Variants in MYO9A observed in about 807,000 individuals in gnomAD.
MYO9A encodes myosin IXA, also known as unconventional myosin-IXa.
A neutral mutation model predicts 293.3 loss-of-function variants in MYO9A; 103 were observed. The ratio of observed to expected loss-of-function variants is 0.35; its 90% confidence interval spans 0.30 to 0.41. The LOEUF (loss-of-function observed/expected upper bound fraction) is 0.41, where lower values mean the gene tolerates loss of function less well. Among genes scored for constraint, MYO9A ranks in the 10% least tolerant of loss-of-function variants. MYO9A has a pLI of 1.00. For synonymous variants in MYO9A, 1,001 were observed against 1,035.7 expected, an observed-to-expected ratio of 0.97 and a Z score of 0.64; for missense variants, 2,685 against 3,033.0, an observed-to-expected ratio of 0.89 and a Z score of 2.69.
chr15:72,012,985 T>C (rs2077218711), intron 6 of MYO9A, among the ~76,000 whole-genome samples: 2 of 152,232 alleles, frequency 1.3e-5, no homozygotes, highest in Non-Finnish European at 2.9e-5. Context: ...TGTATTAATT[T>C]CCTTCTCTGT....
chr15:72,022,715 T>C (rs2077539859), intron 4 of MYO9A, among the ~76,000 whole-genome samples: 1 of 151,906 alleles, frequency 6.6e-6, no homozygotes, highest in South Asian at 2.1e-4. Context: ...ATCTGGCTAA[T>C]TTTTGTATTT....
chr15:71,841,839 G>C (rs1016108707), intron 39 of MYO9A, among the ~76,000 whole-genome samples: 2 of 147,534 alleles, frequency 1.4e-5, no homozygotes, highest in African/African-American at 5.2e-5. Context: ...TAGAGACGGG[G>C]TTTCACCATG....
chr15:71,933,527 A>C (rs750804998), intron 18 of MYO9A, 143 bp downstream of exon 18: 11 of 747,060 alleles, frequency 1.5e-5, no homozygotes, highest in African/African-American at 1.1e-4. Context: ...TTATTTCTAA[A>C]ATGGATTCAA....
chr15:71,936,969 G>C (rs1389085226), intron 16 of MYO9A, among the ~76,000 whole-genome samples: 1 of 149,164 alleles, frequency 6.7e-6, no homozygotes, highest in Non-Finnish European at 1.5e-5. Context: ...AGGAGAGAGA[G>C]AGGAGAGAGT....
At chr15:71,904,591 T>G (rs532472310) in intron 20 of MYO9A, among the ~76,000 whole-genome samples, 1 of 152,282 alleles carries the variant, frequency 6.6e-6, no homozygotes, top group East Asian at 1.9e-4. Flanking sequence ...AGGCGGAGAT[T>G]ACAGTGAGCT....
At chr15:71,906,805 C>A (rs1317507608) in intron 19 of MYO9A, among the ~76,000 whole-genome samples, 1 of 114,956 alleles carries the variant, frequency 8.7e-6, no homozygotes, top group Admixed American at 9.1e-5. Context: ...GCTCTGTCAC[C>A]CAGGCTGGAA....
intron 39 of MYO9A, among the ~76,000 whole-genome samples, chr15:71,844,581 C>G (rs984627014): frequency 6.6e-6 from 1 of 152,032 alleles, no homozygotes; most frequent in African/African-American, 2.4e-5. Flanking sequence ...TTCATTTTCT[C>G]CTAAGACTTT....
chr15:71,942,029 T>C (rs1452311202), intron 15 of MYO9A, among the ~76,000 whole-genome samples: 2 of 151,990 alleles, frequency 1.3e-5, no homozygotes, highest in Non-Finnish European at 2.9e-5. Context: ...TATATATAAT[T>C]CTTAACTACA....
chr15:71,953,123 G>A (rs1021549505), intron 14 of MYO9A, among the ~76,000 whole-genome samples: 1 of 152,222 alleles, frequency 6.6e-6, no homozygotes, highest in African/African-American at 2.4e-5. Context: ...TGTACAATAC[G>A]AAAAGTCAAT....
At chr15:72,089,426 T>A (rs2079837498) in intron 1 of MYO9A, among the ~76,000 whole-genome samples, 1 of 151,966 alleles carries the variant, frequency 6.6e-6, no homozygotes, top group Non-Finnish European at 1.5e-5. Flanking sequence ...CCTCCCAAAG[T>A]GCTAGGACTG....
chr15:72,101,253 G>GCC (rs1324093474), intron 1 of MYO9A, among the ~76,000 whole-genome samples: 1 of 124,580 alleles, frequency 8.0e-6, no homozygotes, highest in African/African-American at 3.0e-5. Context: ...GGGGGGGTCA[G>GCC]CCCCCCGCCC....
At chr15:72,001,272 C>T (rs1290903962) in intron 8 of MYO9A, among the ~76,000 whole-genome samples, 1 of 151,994 alleles carries the variant, frequency 6.6e-6, no homozygotes, top group Non-Finnish European at 1.5e-5. Flanking sequence ...TAGATTATAA[C>T]AGCTGTGAGT....
intron 1 of MYO9A, among the ~76,000 whole-genome samples, chr15:72,080,438 T>C (rs2079509059): frequency 6.6e-6 from 1 of 151,624 alleles, no homozygotes; most frequent in African/African-American, 2.4e-5. Flanking sequence ...ATGCAGCAAT[T>C]AGCCTAGGAG....
At chr15:71,989,454 T>C (rs2076482957) in intron 11 of MYO9A, among the ~76,000 whole-genome samples, 1 of 152,162 alleles carries the variant, frequency 6.6e-6, no homozygotes, top group Non-Finnish European at 1.5e-5. Context: ...AAGTCTCTTA[T>C]ATAAAATGGC....
At chr15:71,971,606 A>G (rs1470853555) in intron 12 of MYO9A, among the ~76,000 whole-genome samples, 1 of 150,582 alleles carries the variant, frequency 6.6e-6, no homozygotes, top group Non-Finnish European at 1.5e-5. Flanking sequence ...AAAAAAAGAA[A>G]AAAAAAAAAC....
At chr15:72,098,197 G>C (rs141497777) in intron 1 of MYO9A, among the ~76,000 whole-genome samples, 1 of 151,664 alleles carries the variant, frequency 6.6e-6, no homozygotes, top group Non-Finnish European at 1.5e-5. Context: ...AACAAGGCTA[G>C]GTCATAAATG....
chr15:72,019,231 T>C lies in MYO9A; in HGVS notation c.1099-136A>G, dbSNP rs1265606352. 7.6e-5 allele frequency: 53 copies of C among 701,872 alleles called. No individual in the cohort carries two copies. The East Asian group carries it at 1.4e-3, about 19-fold the overall frequency. The allele number at this position is 701,872 out of a possible 1,614,324, so 43.5% of individuals were successfully genotyped here. On this transcript the variant is annotated intron_variant, in intron 5 of 41. Transcript: ENST00000356056. ...TTGCATAGCAGCATAAAACAAGAAA[T>C]AATGAAGCAAATATTCACATGCTGG... is the stretch of plus-strand genomic sequence containing the variant.
intron 32 of MYO9A, among the ~76,000 whole-genome samples, chr15:71,870,730 A>C (rs932885612): frequency 1.2e-4 from 18 of 152,310 alleles, no homozygotes; most frequent in African/African-American, 4.3e-4. Context: ...TATACTTTAT[A>C]TCTAGATTAC....
At chr15:71,886,016 T>A (rs971816423) in intron 27 of MYO9A, among the ~76,000 whole-genome samples, 4 of 152,096 alleles carry the variant, frequency 2.6e-5, no homozygotes, top group Admixed American at 1.3e-4. Context: ...AATACAATTG[T>A]ATTTGTTATG....
Sources: gnomAD v4.1 joint callset for allele counts (sites outside exome capture counted in the v4.1 genomes callset) on GRCh38, gnomAD v4.1.1 for gene constraint, MANE v1.5 for transcripts, NCBI Gene and HGNC (gene_info 2026-07-23, HGNC 2026-07-21) for gene names.